Variants in NCAM2 observed in about 807,000 individuals in gnomAD.
The protein encoded by NCAM2 is N-CAM-2.
In NCAM2, 30 loss-of-function variants were observed where a neutral mutation model predicts 98.1. The observed-to-expected ratio is 0.31, with a 90% CI of 0.23 to 0.41. The LOEUF is 0.41. NCAM2 is among the 10% of genes least tolerant of loss of function. The probability of loss-of-function intolerance (pLI) is 1.00; values close to 1 mark genes in which losing one functional copy is unlikely to be tolerated. For missense variants in NCAM2, 867 were observed against 1,005.8 expected (o/e 0.86, Z 1.87); for synonymous variants, 368 against 342.4 (o/e 1.07, Z -0.83).
At chr21:21,344,370 A>G (rs1313309928) in intron 8 of NCAM2, among the ~76,000 whole-genome samples, 1 of 152,088 alleles carries the variant, frequency 6.6e-6, no homozygotes, top group Non-Finnish European at 1.5e-5. Flanking sequence ...TTACTCTTGC[A>G]TGCCATTTCT....
At chr21:21,013,663 CCCAGCTACTTGGGAGGCTGAGGCA>C (rs907451390) in intron 1 of NCAM2, among the ~76,000 whole-genome samples, 58 of 152,034 alleles carry the variant, frequency 3.8e-4, no homozygotes, top group Non-Finnish European at 7.2e-4. Context: ...TGCCTGTAAT[CCCAGCTACTTGGGAGGCTGAGGCA>C]GGAGAATTGC....
intron 11 of NCAM2, among the ~76,000 whole-genome samples, chr21:21,419,322 T>C (rs1222741793): frequency 6.6e-6 from 1 of 150,390 alleles, no homozygotes; most frequent in Non-Finnish European, 1.5e-5. Flanking sequence ...TTTTTTTTTT[T>C]TTTTGGATGT....
chr21:21,118,373 A>G (rs1182893315), intron 1 of NCAM2, among the ~76,000 whole-genome samples: 1 of 152,168 alleles, frequency 6.6e-6, no homozygotes, highest in East Asian at 1.9e-4. Context: ...TAAGCTTAGG[A>G]ACAAGTGCCT....
At chr21:21,386,138 C>G (rs1396568751) in intron 9 of NCAM2, among the ~76,000 whole-genome samples, 2 of 151,680 alleles carry the variant, frequency 1.3e-5, no homozygotes, top group African/African-American at 4.8e-5. Flanking sequence ...TTGAGTAATT[C>G]TTATCTCAAA....
chr21:21,056,739 A>G (rs911894196), intron 1 of NCAM2, among the ~76,000 whole-genome samples: 5 of 152,102 alleles, frequency 3.3e-5, no homozygotes, highest in African/African-American at 1.2e-4. Flanking sequence ...CTACTCATAG[A>G]AAGTCTTAGT....
intron 12 of NCAM2, among the ~76,000 whole-genome samples, chr21:21,454,278 A>G (rs968017486): frequency 2.0e-5 from 3 of 152,078 alleles, no homozygotes; most frequent in Non-Finnish European, 4.4e-5. Flanking sequence ...TAAATTGTAT[A>G]TATGGAGTGT....
At chr21:21,517,553 G>C (rs547588110) in intron 16 of NCAM2, among the ~76,000 whole-genome samples, 1 of 152,108 alleles carries the variant, frequency 6.6e-6, no homozygotes, top group Non-Finnish European at 1.5e-5. Flanking sequence ...CCCTCAGTAA[G>C]TACTGACTTA....
chr21:21,531,023 T>C (rs1989663530), intron 16 of NCAM2, among the ~76,000 whole-genome samples: 1 of 152,168 alleles, frequency 6.6e-6, no homozygotes, highest in South Asian at 2.1e-4. Flanking sequence ...TTTGATGTTA[T>C]TTAAGATTTG....
chr21:21,070,637 T>C (rs1274993896), intron 1 of NCAM2, among the ~76,000 whole-genome samples: 1 of 152,150 alleles, frequency 6.6e-6, no homozygotes. Context: ...GTTCTTCATA[T>C]TATAGGTAAA....
intron 8 of NCAM2, among the ~76,000 whole-genome samples, chr21:21,373,572 A>G (rs964149417): frequency 6.6e-6 from 1 of 151,750 alleles, no homozygotes; most frequent in African/African-American, 2.4e-5. Context: ...CACATGAGAG[A>G]TCTTTAAACA....
At chr21:21,044,930 A>G (rs1371264622) in intron 1 of NCAM2, among the ~76,000 whole-genome samples, 4 of 152,150 alleles carry the variant, frequency 2.6e-5, no homozygotes, top group Admixed American at 2.6e-4. Context: ...GTTTGTATGT[A>G]TGTGTATGTA....
At chr21:21,274,989 A>G (rs1037345268) in intron 1 of NCAM2, among the ~76,000 whole-genome samples, 3 of 151,990 alleles carry the variant, frequency 2.0e-5, no homozygotes, top group Non-Finnish European at 2.9e-5. Flanking sequence ...TAATATATTC[A>G]TTATATTTAT....
At chr21:21,189,729 A>C (rs2068756721) in intron 1 of NCAM2, among the ~76,000 whole-genome samples, 1 of 152,184 alleles carries the variant, frequency 6.6e-6, no homozygotes, top group African/African-American at 2.4e-5. Flanking sequence ...AAAGTGATGA[A>C]TTTGTTGGAT....
At chr21:21,490,801 T>G (rs986824477) in intron 15 of NCAM2, among the ~76,000 whole-genome samples, 1 of 151,874 alleles carries the variant, frequency 6.6e-6, no homozygotes, top group Admixed American at 6.6e-5. Flanking sequence ...GCTTGTTTTC[T>G]TGAAAAAAAA....
rs151261590 is a variant in NCAM2 at position 21,045,924 on chromosome 21, A to T, written c.55+47306A>T. ...GCTGTAGAGCAAATTTGTATCAGAT[A>T]TGTATCTTTACAACTTCTGGAGCCA... On this transcript the variant is annotated intron_variant, in intron 1 of 17. Coordinates refer to ENST00000400546, the MANE Select transcript of NCAM2 (RefSeq NM_004540.5). Among the ~76,000 whole-genome samples, 350 of 152,314 alleles carry T rather than the reference A, an allele frequency of 2.3e-3. 13 individuals are homozygous for T. In the East Asian group the frequency reaches 0.06, roughly 26 times the overall value.
chr21:21,080,649 A>T (rs2065774794), intron 1 of NCAM2, among the ~76,000 whole-genome samples: 1 of 88,472 alleles, frequency 1.1e-5, no homozygotes, highest in Admixed American at 1.2e-4. Flanking sequence ...TGGAATTGAT[A>T]AGATCTCAAA....
At chr21:21,155,396 T>G (rs182703477) in intron 1 of NCAM2, among the ~76,000 whole-genome samples, 2 of 151,838 alleles carry the variant, frequency 1.3e-5, no homozygotes, top group Admixed American at 6.6e-5. Context: ...TTAAAATTAT[T>G]TATATATGTG....
intron 1 of NCAM2, among the ~76,000 whole-genome samples, chr21:21,138,635 C>G (rs1419995219): frequency 6.6e-6 from 1 of 151,954 alleles, no homozygotes; most frequent in African/African-American, 2.4e-5. Context: ...AGACAGCGAC[C>G]CATATATACC....
rs573071257 is a variant in NCAM2 at position 21,326,592 on chromosome 21, C to T, written c.737+2092C>T. 3.3e-5 allele frequency among the ~76,000 whole-genome samples: 5 copies of T among 152,124 alleles called. No individual in the cohort carries two copies. The South Asian group carries it at 1.0e-3, about 32-fold the overall frequency. On this transcript the variant is annotated intron_variant, in intron 6 of 17. Transcript: ENST00000400546. ...CTTAAAGTTTTACATTCCTTCAAAACTGTTTTCTTATATTTAATTAGAAAT... is the reference window on the plus strand; with the variant it reads ...CTTAAAGTTTTACATTCCTTCAAAATTGTTTTCTTATATTTAATTAGAAAT...
Sources: gnomAD v4.1 joint callset for allele counts (sites outside exome capture counted in the v4.1 genomes callset) on GRCh38, gnomAD v4.1.1 for gene constraint, MANE v1.5 for transcripts, NCBI Gene and HGNC (gene_info 2026-07-23, HGNC 2026-07-21) for gene names.